Variants in ACO2 observed in about 807,000 individuals in gnomAD.
ACO2 encodes the protein aconitase 2, also known as aconitate hydratase, mitochondrial.
Under a neutral mutation model 84.5 loss-of-function variants are expected in ACO2, and 31 were observed. The ratio of observed to expected loss-of-function variants is 0.37; its 90% CI spans 0.28 to 0.50. ACO2 has a LOEUF of 0.50. Ranked by LOEUF, ACO2 falls within the 20% of genes least tolerant of loss-of-function variation. The pLI, the probability that ACO2 is intolerant of heterozygous loss-of-function variation, is 0.97. For missense variants in ACO2, 685 were observed against 1,029.3 expected (o/e 0.67, Z 4.58); for synonymous variants, 414 against 412.7 (o/e 1.00, Z -0.04).
chr22:41,520,723 C>T (rs1601923122), intron 9 of ACO2, among the ~76,000 whole-genome samples: 1 of 151,688 alleles, frequency 6.6e-6, no homozygotes, highest in East Asian at 1.9e-4. Context: ...GCACCTGTAG[C>T]CCCAGCTACT....
chr22:41,512,480 C>T (rs1046448631), intron 4 of ACO2, among the ~76,000 whole-genome samples: 5 of 152,202 alleles, frequency 3.3e-5, no homozygotes, highest in Admixed American at 2.0e-4. Context: ...TGTTAACCTT[C>T]TTGCCCAGGG....
At chr22:41,489,681 C>T (rs928292455) in intron 1 of ACO2, among the ~76,000 whole-genome samples, 1 of 151,172 alleles carries the variant, frequency 6.6e-6, no homozygotes, top group Admixed American at 6.7e-5. Context: ...CTGGGCAAGA[C>T]TTCTTTATAG....
At position 41,503,539 on chromosome 22, in the gene ACO2, C is replaced by T. The variant is rs5751116; in HGVS notation, c.173+3677C>T. Among the ~76,000 whole-genome samples, 128 of 152,182 alleles carry T rather than the reference C, an allele frequency of 8.4e-4. 2 individuals carry two copies. The East Asian group carries it at 0.022, about 26-fold the overall frequency. On this transcript the variant is annotated intron_variant, in intron 2 of 17. Coordinates refer to ENST00000216254, the MANE Select transcript of ACO2 (RefSeq NM_001098.3). ...AGAGAAGGGGTTTCACCATGTTAGC[C>T]GGGATGGTCTCAATCTCCTGACCTT...
intron 1 of ACO2, among the ~76,000 whole-genome samples, chr22:41,497,942 G>A (rs562285519): frequency 4.6e-5 from 7 of 151,834 alleles, no homozygotes; most frequent in Admixed American, 1.3e-4. Context: ...TCAAGAGATC[G>A]AGAACATCCT....
At chr22:41,473,114 G>A (rs1484355245) in intron 1 of ACO2, among the ~76,000 whole-genome samples, 1 of 152,194 alleles carries the variant, frequency 6.6e-6, no homozygotes, top group African/African-American at 2.4e-5. Flanking sequence ...TGGTAAATAA[G>A]CTTCCATCTT....
At chr22:41,501,249 A>G (rs1344643906) in intron 2 of ACO2, among the ~76,000 whole-genome samples, 2 of 150,492 alleles carry the variant, frequency 1.3e-5, no homozygotes, top group African/African-American at 2.5e-5. Flanking sequence ...CTGTTCTCCC[A>G]CCGTGGTCTC....
At chr22:41,501,634 G>A (rs1055456061) in intron 2 of ACO2, among the ~76,000 whole-genome samples, 16 of 152,210 alleles carry the variant, frequency 1.1e-4, no homozygotes, top group Admixed American at 4.6e-4. Context: ...GATCCTGGGA[G>A]AGAACAAATC....
chr22:41,472,875 T>A (rs1421400385), intron 1 of ACO2, among the ~76,000 whole-genome samples: 1 of 152,228 alleles, frequency 6.6e-6, no homozygotes, highest in Non-Finnish European at 1.5e-5. Context: ...TGTTTGGTTT[T>A]GCCTTGAGAT....
At chr22:41,526,229 CCT>C in intron 14 of ACO2, 31 bp from the exon 15 acceptor site, 1 of 1,595,710 alleles carries the variant, frequency 6.3e-7, no homozygotes, top group Non-Finnish European at 8.6e-7. Context: ...AGGGCCATGC[CCT>C]GACCTCTGTC....
At chr22:41,526,602 A>G (rs2066602342) in intron 15 of ACO2, 149 bp downstream of exon 15, 2 of 823,224 alleles carry the variant, frequency 2.4e-6, no homozygotes, top group Non-Finnish European at 1.8e-6. Flanking sequence ...AGAGGCCTGC[A>G]GCCCCTCCCT....
In ACO2 at chr22:41,522,918, G is replaced by A. The variant is rs751518465; in HGVS notation, c.1227G>A (p.Lys409=). ...AGCAGGCACTGGCCCATGGCCTCAAGTGCAAGTCCCAGTTCACCATCACTC... is the reference window on the plus strand; with the variant it reads ...AGCAGGCACTGGCCCATGGCCTCAAATGCAAGTCCCAGTTCACCATCACTC... ...VAKQALAHGL[K]CKSQFTITPG... The change falls in exon 10 of 18, where the codon AAG becomes AAA. Residue 409 remains lysine, a synonymous_variant. Transcript: ENST00000216254. The A allele has an allele frequency of 1.2e-6, 2 of 1,614,098 alleles. No individual in the cohort carries two copies. Among genetic ancestry groups the A allele is most frequent in the East Asian group, 2.2e-5 (1 of 44,906 alleles).
intron 1 of ACO2, among the ~76,000 whole-genome samples, chr22:41,495,601 G>A (rs1244966765): frequency 6.7e-6 from 1 of 150,348 alleles, no homozygotes; most frequent in South Asian, 2.1e-4. Context: ...CCAGGCAATA[G>A]GTATTGTTAC....
chr22:41,486,691 C>T (rs549208793), intron 1 of ACO2, among the ~76,000 whole-genome samples: 70 of 151,864 alleles, frequency 4.6e-4, no homozygotes, highest in African/African-American at 1.5e-3. Context: ...AGGATGGTCT[C>T]GATCTCCTGA....
chr22:41,481,665 G>A (rs1463658005), intron 1 of ACO2, among the ~76,000 whole-genome samples: 3 of 152,208 alleles, frequency 2.0e-5, no homozygotes, highest in African/African-American at 7.2e-5. Flanking sequence ...GCCGTGGGGT[G>A]GGCCCTTTTC....
rs1259725398 is a variant in ACO2 at position 41,511,632 on chromosome 22, C to G, written c.433-244C>G. 2.6e-5 allele frequency among the ~76,000 whole-genome samples: 4 copies of G among 152,246 alleles called. No homozygotes were observed. The East Asian group carries it at 7.7e-4, about 29-fold the overall frequency. On this transcript the variant is annotated intron_variant, in intron 3 of 17. Transcript: ENST00000216254. ...CTTGTTCCAGACCCACCACCCTGGC[C>G]AGGTGTCACAGAACTGGGGCTCCAT... is the stretch of plus-strand genomic sequence containing the variant.
At chr22:41,476,053 T>A (rs1203362914) in intron 1 of ACO2, among the ~76,000 whole-genome samples, 1 of 152,144 alleles carries the variant, frequency 6.6e-6, no homozygotes, top group Non-Finnish European at 1.5e-5. Context: ...TACCCTTCAG[T>A]TAAGAAGGGT....
chr22:41,476,720 CAAAACAAA>C (rs1036609190), intron 1 of ACO2, among the ~76,000 whole-genome samples: 4 of 151,700 alleles, frequency 2.6e-5, no homozygotes, highest in African/African-American at 4.8e-5. Context: ...AAAAACAAAA[CAAAACAAA>C]AAAACAAAAA....
Position 41,528,702 on chromosome 22 carries a change from A to G in ACO2, c.*89A>G, listed in dbSNP as rs2066658377. ...CCGATCCGTCCAGCCATGGCTTCCT[A>G]TTCCAAGATGGTGTGACCAGACATG... On this transcript the variant is annotated 3_prime_UTR_variant, in exon 18 of 18. Transcript: ENST00000216254. 11 of 1,520,194 alleles carry G rather than the reference A, an allele frequency of 7.2e-6. 1 individual carries two copies. In the South Asian group the frequency reaches 8.7e-5, roughly 12 times the overall value. The allele number at this position is 1,520,194 out of a possible 1,614,324, so 94.2% of individuals were successfully genotyped here. A position where few individuals can be genotyped will look rare whatever the true frequency, so the allele number is the denominator to read the frequency against.
At chr22:41,527,074 C>A in intron 15 of ACO2, 1 of 652,138 alleles carries the variant, frequency 1.5e-6, no homozygotes, top group Non-Finnish European at 2.6e-6. Context: ...TGCAAACAAC[C>A]ACGTGCCTCT....
Sources: allele counts gnomAD v4.1 joint callset (sites outside exome capture counted in the v4.1 genomes callset), GRCh38; gene constraint gnomAD v4.1.1; transcripts MANE v1.5; gene names NCBI Gene and HGNC (gene_info 2026-07-23, HGNC 2026-07-21).